TKTL2: variants seen among roughly 807,000 people sequenced by gnomAD.
TKTL2 encodes transketolase-like protein 2.
For synonymous variants in TKTL2, 259 were observed against 294.1 expected (o/e 0.88, Z 1.22); for missense variants, 825 against 799.4 (o/e 1.03, Z -0.39).
chr4:163,473,611 A>G lies in TKTL2; in HGVS notation c.124T>C (p.Cys42Arg). Residue 42 changes from cysteine to arginine, a missense_variant, in exon 1 of 1, where the codon TGC becomes CGC. By Grantham distance (180) the Cys-to-Arg change is radical. Transcript: ENST00000280605. ...GACACGACCTCCGCTGCACTGCAGC[A>G]CGACGTGAGCTGGCCAGAACCAGAG... ...CASGSGQLTS[C>R]CSAAEVVSVL... 2.5e-6 allele frequency: 4 copies of G among 1,614,200 alleles called. No individual in the cohort carries two copies. Among genetic ancestry groups the G allele is most frequent in the Non-Finnish European group, 3.4e-6 (4 of 1,180,040 alleles).
chr4:163,472,981 T>C lies in TKTL2; in HGVS notation c.754A>G (p.Ile252Val), dbSNP rs1737197275. ...TTTTCTGCATCCTCAATATTTGGAATACCCCGACCTTTGAAGGTCTTGGCA... is the reference window on the plus strand; with the variant it reads ...TTTTCTGCATCCTCAATATTTGGAACACCCCGACCTTTGAAGGTCTTGGCA... ...IVAKTFKGRG[I>V]PNIEDAENWH... is the part of the protein sequence containing the mutation. Residue 252 changes from isoleucine to valine, a missense_variant, in exon 1 of 1, where the codon ATT becomes GTT. By Grantham distance (29) the Ile-to-Val change is conservative. Coordinates refer to ENST00000280605, the MANE Select transcript of TKTL2 (RefSeq NM_032136.5). 6.2e-6 allele frequency: 10 copies of C among 1,614,066 alleles called. No homozygotes were observed. Among genetic ancestry groups the C allele is most frequent in the Non-Finnish European group, 8.5e-6 (10 of 1,180,036 alleles).
rs747146962 is a variant in TKTL2, at chr4:163,473,175, C to A, written c.560G>T (p.Arg187Leu). ...GGGTGCAGGGCCACTTTGTCCCAAGCGGTTCACGTCGAAGACCGCCACGAG... is the reference window on the plus strand; with the variant it reads ...GGGTGCAGGGCCACTTTGTCCCAAGAGGTTCACGTCGAAGACCGCCACGAG... ...DNLVAVFDVN[R>L]LGQSGPAPLE... The change falls in exon 1 of 1, where the codon CGC (arginine) becomes CTC (leucine). Residue 187 changes from arginine to leucine, a missense_variant. Transcript: ENST00000280605. The A allele has an allele frequency of 3.1e-6, 5 of 1,613,418 alleles. No homozygotes were observed. In the African/African-American group the frequency reaches 4.0e-5, roughly 13 times the overall value.
In TKTL2 at chr4:163,472,212, G is replaced by A. The variant is rs749868391; in HGVS notation, c.1523C>T (p.Thr508Ile). The change falls in exon 1 of 1, where the codon ACA becomes ATA. Residue 508 changes from threonine to isoleucine, a missense_variant. Thr to Ile is a moderately conservative substitution (Grantham distance 89, BLOSUM62 -1). Coordinates refer to ENST00000280605, the MANE Select transcript of TKTL2 (RefSeq NM_032136.5). ...GAGAGTAACTCCAGCTCCAATTACT[G>A]TGACTTTATCATTGACACCGTGGCG... ...VVRHGVNDKV[T>I]VIGAGVTLHE... is the part of the protein sequence containing the mutation. 16 of 1,614,186 alleles carry A rather than the reference G, an allele frequency of 9.9e-6. No homozygotes were observed. The highest frequency in any genetic ancestry group is 1.4e-5 in the Non-Finnish European group (16 of 1,180,036).
rs1215981762 is a variant in TKTL2 at position 163,472,113 on chromosome 4, A to C, written c.1622T>G (p.Ile541Ser). The C allele has an allele frequency of 1.2e-6, 2 of 1,614,036 alleles. No homozygotes were observed. Among genetic ancestry groups the C allele is most frequent in the East Asian group, 4.5e-5 (2 of 44,896 alleles). Residue 541 changes from isoleucine (I) to serine (S), a missense_variant, in exon 1 of 1, where the codon ATT becomes AGT. Ile to Ser is a moderately radical substitution (Grantham distance 142). Coordinates refer to ENST00000280605, the MANE Select transcript of TKTL2 (RefSeq NM_032136.5). The stretch of plus-strand genomic sequence containing the variant: ...GATGGTGGCGGCATCCAGGGGTTTA[A>C]TGGTAAATGGGTCGATGACACGGAC... ...ISVRVIDPFT[I>S]KPLDAATIIS...
rs746900644 is a variant in TKTL2, at chr4:163,472,557, A to G, written c.1178T>C (p.Phe393Ser). Residue 393 changes from phenylalanine (F) to serine (S), a missense_variant, in exon 1 of 1, where the codon TTT becomes TCT. Phe to Ser is a radical substitution (Grantham distance 155). Transcript: ENST00000280605. ...GAATGCTCTAGTAAAAAAGGCAGCA[A>G]AAGCACCAGCAAAAGCAATGGTTCG... is the stretch of plus-strand genomic sequence containing the variant. ...RGRTIAFAGAFAAFFTRAFDQ... is the reference protein window; with the variant it reads ...RGRTIAFAGASAAFFTRAFDQ... 2 of 1,614,186 alleles carry G rather than the reference A, an allele frequency of 1.2e-6. No individual in the cohort carries two copies. Among genetic ancestry groups the G allele is most frequent in the Admixed American group, 1.7e-5 (1 of 60,030 alleles).
chr4:163,473,750 T>G lies in TKTL2; in HGVS notation c.-16A>C. The G allele has an allele frequency of 6.3e-7, 1 of 1,585,362 alleles. No individual in the cohort carries two copies. The highest frequency in any genetic ancestry group is 8.6e-7 in the Non-Finnish European group (1 of 1,162,530). On this transcript the variant is annotated 5_prime_UTR_variant, in exon 1 of 1. Transcript: ENST00000280605. ...TGGCCATCATCTCTCTTTTGTCGGT[T>G]TGGCAAAGCAAACGGCGCCGCAGCA...
Position 163,473,313 on chromosome 4 carries a change from T to G in TKTL2, c.422A>C (p.Lys141Thr), listed in dbSNP as rs1737205902. 6.2e-7 allele frequency: 1 copy of G among 1,614,000 alleles called. No individual in the cohort carries two copies. Among genetic ancestry groups the G allele is most frequent in the Non-Finnish European group, 8.5e-7 (1 of 1,179,970 alleles). ...GTACGMAYTG[K>T]YLDKASYRVF... The stretch of plus-strand genomic sequence containing the variant: ...CCGGTAGCTGGCCTTGTCAAGGTAC[T>G]TGCCAGTATAAGCCATTCCACATGC... The change falls in exon 1 of 1, where the codon AAG becomes ACG. Residue 141 changes from lysine to threonine, a missense_variant. Transcript: ENST00000280605.
At position 163,472,814 on chromosome 4, in the gene TKTL2, C is replaced by A; in HGVS notation, c.921G>T (p.Met307Ile). The A allele has an allele frequency of 6.4e-7, 1 of 1,563,042 alleles. No homozygotes were observed. The highest frequency in any genetic ancestry group is 8.6e-7 in the Non-Finnish European group (1 of 1,157,142). Residue 307 changes from methionine to isoleucine, a missense_variant, in exon 1 of 1, where the codon ATG becomes ATT. Coordinates refer to ENST00000280605, the MANE Select transcript of TKTL2 (RefSeq NM_032136.5). ...CAACTTTGTAAGCAGGTGGGGAGGTCATTTTTATATCTGTGATGCTTATTT... is the reference window on the plus strand; with the variant it reads ...CAACTTTGTAAGCAGGTGGGGAGGTAATTTTTATATCTGTGATGCTTATTT... ...SPQISITDIK[M>I]TSPPAYKVGD... is the part of the protein sequence containing the mutation.
In TKTL2 at chr4:163,473,263, C is replaced by T. The variant is rs138835887; in HGVS notation, c.472G>A (p.Glu158Lys). 2.0e-5 allele frequency: 33 copies of T among 1,613,866 alleles called. No individual in the cohort carries two copies. The highest frequency in any genetic ancestry group is 1.1e-4 in the African/African-American group (8 of 74,880). The change falls in exon 1 of 1, where the codon GAA (glutamate) becomes AAA (lysine). Residue 158 changes from glutamate (E) to lysine (K), a missense_variant. Transcript: ENST00000280605. ...TCCCACACAGAGCCTTCTGAGGATTCGCCATCTCCCATAAGGCAGAACACC... is the reference window on the plus strand; with the variant it reads ...TCCCACACAGAGCCTTCTGAGGATTTGCCATCTCCCATAAGGCAGAACACC... ...YRVFCLMGDG[E>K]SSEGSVWEAF...
At position 163,472,687 on chromosome 4, in the gene TKTL2, T is replaced by C. The variant is rs754130075; in HGVS notation, c.1048A>G (p.Thr350Ala). The C allele has an allele frequency of 2.5e-6, 4 of 1,614,086 alleles. No homozygotes were observed. Among genetic ancestry groups the C allele is most frequent in the Non-Finnish European group, 3.4e-6 (4 of 1,179,992 alleles). Reference sequence around the variant, plus strand: ...TCTTTCCTGAATATCTCAGAAAAGGTGGAGTTCATCGTGTCACCACTCAGA... The same window carrying C: ...TCTTTCCTGAATATCTCAGAAAAGGCGGAGTTCATCGTGTCACCACTCAGA... ...IVLSGDTMNS[T>A]FSEIFRKEHP... The change falls in exon 1 of 1, where the codon ACC becomes GCC. Residue 350 changes from threonine (T) to alanine (A), a missense_variant. Transcript: ENST00000280605.
rs776092856 is a variant in TKTL2, at chr4:163,473,394, G to T, written c.341C>A (p.Pro114His). The T allele has an allele frequency of 1.2e-6, 2 of 1,613,906 alleles. No individual in the cohort carries two copies. Among genetic ancestry groups the T allele is most frequent in the South Asian group, 1.1e-5 (1 of 91,048 alleles). The change falls in exon 1 of 1, where the codon CCC (proline) becomes CAC (histidine). Residue 114 changes from proline (P) to histidine (H), a missense_variant. Coordinates refer to ENST00000280605, the MANE Select transcript of TKTL2 (RefSeq NM_032136.5). ...LHSDLERHPT[P>H]RLPFVDVATG... ...TGCCACGTCAACAAACGGCAATCGGGGGGTAGGGTGTCTCTCCAAGTCGCT... is the reference window on the plus strand; with the variant it reads ...TGCCACGTCAACAAACGGCAATCGGTGGGTAGGGTGTCTCTCCAAGTCGCT...
chr4:163,472,415 C>G lies in TKTL2; in HGVS notation c.1320G>C (p.Met440Ile). The G allele has an allele frequency of 6.2e-7, 1 of 1,612,510 alleles. No individual in the cohort carries two copies. The highest frequency in any genetic ancestry group is 8.5e-7 in the Non-Finnish European group (1 of 1,179,190). ...VSQMALEDLA[M>I]FRSIPNCTVF... ...CAGTACAATTGGGAATGCTTCGGAA[C>G]ATGGCTAGATCCTCCAGGGCCATCT... Residue 440 changes from methionine to isoleucine, a missense_variant, in exon 1 of 1, where the codon ATG becomes ATC. Transcript: ENST00000280605.
chr4:163,472,258 T>C lies in TKTL2; in HGVS notation c.1477A>G (p.Ile493Val). ...VIYTPQENFEIGQAKVVRHGV... is the reference protein window; with the variant it reads ...VIYTPQENFEVGQAKVVRHGV... ...TGGCGGACCACCTTGGCCTGGCCAA[T>C]CTCAAAATTTTCTTGTGGGGTATAA... The change falls in exon 1 of 1, where the codon ATT (isoleucine) becomes GTT (valine). Residue 493 changes from isoleucine to valine, a missense_variant. Ile to Val is a conservative substitution (Grantham distance 29). Coordinates refer to ENST00000280605, the MANE Select transcript of TKTL2 (RefSeq NM_032136.5). The C allele has an allele frequency of 6.2e-7, 1 of 1,612,088 alleles. No individual in the cohort carries two copies. Among genetic ancestry groups the C allele is most frequent in the East Asian group, 2.2e-5 (1 of 44,880 alleles).
At position 163,472,540 on chromosome 4, in the gene TKTL2, T is replaced by C. The variant is rs1186736082; in HGVS notation, c.1195A>G (p.Arg399Gly). Reference sequence around the variant, plus strand: ...CCCATTCGGAGCTGATCGAATGCTCTAGTAAAAAAGGCAGCAAAAGCACCA... The same window carrying C: ...CCCATTCGGAGCTGATCGAATGCTCCAGTAAAAAAGGCAGCAAAAGCACCA... ...FAGAFAAFFT[R>G]AFDQLRMGAI... is the part of the protein sequence containing the mutation. The change falls in exon 1 of 1, where the codon AGA becomes GGA. Residue 399 changes from arginine to glycine, a missense_variant. Arg to Gly is a moderately radical substitution (Grantham distance 125). Transcript: ENST00000280605. 6.2e-7 allele frequency: 1 copy of C among 1,614,132 alleles called. No homozygotes were observed. Among genetic ancestry groups the C allele is most frequent in the Middle Eastern group, 1.6e-4 (1 of 6,062 alleles).
rs116491544 is a variant in TKTL2, at chr4:163,473,368, T to C, written c.367A>G (p.Thr123Ala). The change falls in exon 1 of 1, where the codon ACA becomes GCA. Residue 123 changes from threonine to alanine, a missense_variant. Physicochemically the swap from Thr to Ala is moderately conservative, Grantham distance 58. Coordinates refer to ENST00000280605, the MANE Select transcript of TKTL2 (RefSeq NM_032136.5). Reference sequence around the variant, plus strand: ...CCTAATCCCTGACCTAGGGACCCTGTTGCCACGTCAACAAACGGCAATCGG... The same window carrying C: ...CCTAATCCCTGACCTAGGGACCCTGCTGCCACGTCAACAAACGGCAATCGG... ...TPRLPFVDVA[T>A]GSLGQGLGTA... The C allele has an allele frequency of 2.9e-5, 46 of 1,613,964 alleles. No homozygotes were observed. Among genetic ancestry groups the C allele is most frequent in the Middle Eastern group, 1.7e-4 (1 of 6,060 alleles).
Position 163,472,720 on chromosome 4 carries a change from C to T in TKTL2, c.1015G>A (p.Val339Ile). ...ATCGTGTCACCACTCAGAACAATAA[C>T]TCTTTCATTTGCACGGCCCAGTTTA... ...LAKLGRANER[V>I]IVLSGDTMNS... The change falls in exon 1 of 1, where the codon GTT (valine) becomes ATT (isoleucine). Residue 339 changes from valine (V) to isoleucine (I), a missense_variant. Physicochemically the swap from Val to Ile is conservative, Grantham distance 29. Transcript: ENST00000280605. 1.9e-6 allele frequency: 3 copies of T among 1,611,072 alleles called. No individual in the cohort carries two copies. Among genetic ancestry groups the T allele is most frequent in the Non-Finnish European group, 2.5e-6 (3 of 1,178,202 alleles).
Position 163,472,051 on chromosome 4 carries a change from T to C in TKTL2, c.1684A>G (p.Thr562Ala), listed in dbSNP as rs752764597. ...CCTTCCCTGTAGTGATCCTCCACTG[T>C]GATAACTCGGCCGCCTGTGGCTTTT... is the stretch of plus-strand genomic sequence containing the variant. ...SAKATGGRVI[T>A]VEDHYREGGI... The change falls in exon 1 of 1, where the codon ACA becomes GCA. Residue 562 changes from threonine to alanine, a missense_variant. By Grantham distance (58) the Thr-to-Ala change is moderately conservative. Coordinates refer to ENST00000280605, the MANE Select transcript of TKTL2 (RefSeq NM_032136.5). 1 of 1,614,198 alleles carries C rather than the reference T, an allele frequency of 6.2e-7. No homozygotes were observed. Among genetic ancestry groups the C allele is most frequent in the South Asian group, 1.1e-5 (1 of 91,086 alleles).
At position 163,473,491 on chromosome 4, in the gene TKTL2, T is replaced by G; in HGVS notation, c.244A>C (p.Ile82Leu). Residue 82 changes from isoleucine (I) to leucine (L), a missense_variant, in exon 1 of 1, where the codon ATC becomes CTC. Ile to Leu is a conservative substitution (Grantham distance 5). Transcript: ENST00000280605. Reference sequence around the variant, plus strand: ...ACCTCCACCCAAGCAGCATAGAGGATAGGAGCAGCATGTCCCCTGGAGAGG... The same window carrying G: ...ACCTCCACCCAAGCAGCATAGAGGAGAGGAGCAGCATGTCCCCTGGAGAGG... ...FILSRGHAAPILYAAWVEVGD... is the reference protein window; with the variant it reads ...FILSRGHAAPLLYAAWVEVGD... The G allele has an allele frequency of 6.2e-7, 1 of 1,613,952 alleles. No homozygotes were observed. The highest frequency in any genetic ancestry group is 8.5e-7 in the Non-Finnish European group (1 of 1,179,994).
chr4:163,473,375 G>A lies in TKTL2; in HGVS notation c.360C>T (p.Asp120=), dbSNP rs759277649. 5 of 1,613,888 alleles carry A rather than the reference G, an allele frequency of 3.1e-6. No homozygotes were observed. In the East Asian group the frequency reaches 8.9e-5, roughly 29 times the overall value. The change falls in exon 1 of 1, where the codon GAC becomes GAT. Residue 120 remains aspartate (D), a synonymous_variant. Coordinates refer to ENST00000280605, the MANE Select transcript of TKTL2 (RefSeq NM_032136.5). ...RHPTPRLPFV[D]VATGSLGQGL... Reference sequence around the variant, plus strand: ...CCTGACCTAGGGACCCTGTTGCCACGTCAACAAACGGCAATCGGGGGGTAG... The same window carrying A: ...CCTGACCTAGGGACCCTGTTGCCACATCAACAAACGGCAATCGGGGGGTAG...
Sources: gnomAD v4.1 joint callset for allele counts on GRCh38, gnomAD v4.1.1 for gene constraint, MANE v1.5 for transcripts, NCBI Gene and HGNC (gene_info 2026-07-23, HGNC 2026-07-21) for gene names.